TAS2R1: variants seen among roughly 807,000 people sequenced by gnomAD.
The protein encoded by TAS2R1 is taste 2 receptor member 1.
For synonymous variants in TAS2R1, 141 were observed against 134.2 expected, an observed-to-expected ratio of 1.05 and a Z score of -0.35; for missense variants, 370 against 353.4, an observed-to-expected ratio of 1.05 and a Z score of -0.38.
the TAS2R1 span, among the ~76,000 whole-genome samples, chr5:9,869,048 T>C: frequency 3.3e-5 from 5 of 152,172 alleles, no homozygotes; most frequent in Non-Finnish European, 5.9e-5. Flanking sequence ...TCCTGTTTTC[T>C]GAGCCCTCCA....
chr5:9,848,208 T>C, the TAS2R1 span, among the ~76,000 whole-genome samples: 14 of 152,234 alleles, frequency 9.2e-5, no homozygotes, highest in African/African-American at 3.1e-4. Flanking sequence ...ATGCCTTCCA[T>C]CAAATTAGAT....
the TAS2R1 span, among the ~76,000 whole-genome samples, chr5:9,865,039 G>A: frequency 6.6e-6 from 1 of 152,170 alleles, no homozygotes; most frequent in African/African-American, 2.4e-5. Flanking sequence ...CGTCCATACG[G>A]GTGGATGAAA....
the TAS2R1 span, among the ~76,000 whole-genome samples, chr5:9,824,627 A>T: frequency 6.6e-6 from 1 of 152,010 alleles, no homozygotes; most frequent in Non-Finnish European, 1.5e-5. Context: ...CAGGTGGATC[A>T]CCTGAGGTCA....
chr5:9,851,243 T>C, the TAS2R1 span, among the ~76,000 whole-genome samples: 1 of 152,220 alleles, frequency 6.6e-6, no homozygotes, highest in South Asian at 2.1e-4. Flanking sequence ...GTTGCAGTAA[T>C]GTCAGAATCG....
At chr5:9,832,959 C>T in the TAS2R1 span, among the ~76,000 whole-genome samples, 1 of 152,156 alleles carries the variant, frequency 6.6e-6, no homozygotes, top group Non-Finnish European at 1.5e-5. Flanking sequence ...CATCAGACAT[C>T]AATCAATATG....
chr5:9,710,627 T>G (rs978929224), intron 1 of TAS2R1, among the ~76,000 whole-genome samples: 1 of 152,078 alleles, frequency 6.6e-6, no homozygotes, highest in African/African-American at 2.4e-5. Flanking sequence ...ATCATACATC[T>G]GATAAGAGGC....
At chr5:9,850,785 G>C in the TAS2R1 span, among the ~76,000 whole-genome samples, 1 of 152,206 alleles carries the variant, frequency 6.6e-6, no homozygotes, top group African/African-American at 2.4e-5. Flanking sequence ...TAAAAGATTT[G>C]TCTCTCATAC....
At chr5:9,810,292 C>T in the TAS2R1 span, among the ~76,000 whole-genome samples, 1 of 152,184 alleles carries the variant, frequency 6.6e-6, no homozygotes, top group Non-Finnish European at 1.5e-5. Flanking sequence ...GACATATTCT[C>T]GTCTCTGAAA....
At chr5:9,848,708 A>T in the TAS2R1 span, among the ~76,000 whole-genome samples, 1 of 151,420 alleles carries the variant, frequency 6.6e-6, no homozygotes, top group Non-Finnish European at 1.5e-5. Flanking sequence ...GTAAATTTAT[A>T]CAATTTTTAT....
At chr5:9,735,011 T>C in the TAS2R1 span, among the ~76,000 whole-genome samples, 198 of 151,350 alleles carry the variant, frequency 1.3e-3, 7 homozygotes, top group African/African-American at 4.5e-3. Flanking sequence ...ACAGGAAGCA[T>C]TGCTAGGGAG....
chr5:9,773,978 CTGT>C, the TAS2R1 span, among the ~76,000 whole-genome samples: 1 of 152,140 alleles, frequency 6.6e-6, no homozygotes, highest in Non-Finnish European at 1.5e-5. Flanking sequence ...GCAAAATTTT[CTGT>C]TATTACCCTG....
At chr5:9,717,523 TA>T in the TAS2R1 span, among the ~76,000 whole-genome samples, 2 of 151,596 alleles carry the variant, frequency 1.3e-5, no homozygotes, top group Non-Finnish European at 2.9e-5. Flanking sequence ...CACACAAGAA[TA>T]TCTAGGAACA....
Position 9,629,898 on chromosome 5 carries a change from A to G in TAS2R1, c.135T>C (p.Asp45=). ...AAACTGCCAGACAAGAAAGAAGGAG[A>G]TCCAGCGGAGCCATTTTTCTGTGCT... is the stretch of plus-strand genomic sequence containing the variant. ...LIKHRKMAPL[D]LLLSCLAVSR... Residue 45 remains aspartate (D), a synonymous_variant, in exon 1 of 1, where the codon GAT becomes GAC. Coordinates refer to ENST00000382492, the MANE Select transcript of TAS2R1 (RefSeq NM_019599.3). The G allele has an allele frequency of 1.9e-6, 3 of 1,613,868 alleles. No individual in the cohort carries two copies. Among genetic ancestry groups the G allele is most frequent in the East Asian group, 4.5e-5 (2 of 44,888 alleles).
the TAS2R1 span, among the ~76,000 whole-genome samples, chr5:9,783,929 C>T: frequency 5.3e-5 from 8 of 152,152 alleles, no homozygotes; most frequent in Non-Finnish European, 1.0e-4. Context: ...TCCAGAGCTG[C>T]GCTACCTGGA....
At chr5:9,633,293 A>ATATATATATATATATTTATATATAT (rs1561364890), upstream of TAS2R1, among the ~76,000 whole-genome samples, 1 of 62,558 alleles carries the variant, frequency 1.6e-5, no homozygotes, top group African/African-American at 7.1e-5. Context: ...GTGTGTGTAT[A>ATATATATATATATATTTATATATAT]TTATATATAT....
chr5:9,729,958 G>T, the TAS2R1 span, among the ~76,000 whole-genome samples: 3 of 152,154 alleles, frequency 2.0e-5, no homozygotes, highest in African/African-American at 7.2e-5. Flanking sequence ...ACGTTAGACT[G>T]GTGGAATGGT....
chr5:9,871,475 C>G, the TAS2R1 span, among the ~76,000 whole-genome samples: 1 of 152,190 alleles, frequency 6.6e-6, no homozygotes, highest in Non-Finnish European at 1.5e-5. Flanking sequence ...TCCACTCTGT[C>G]TGATCCAATT....
chr5:9,679,122 G>A (rs1298209727), intron 1 of TAS2R1, among the ~76,000 whole-genome samples: 1 of 152,188 alleles, frequency 6.6e-6, no homozygotes, highest in Non-Finnish European at 1.5e-5. Context: ...GCTACATCGT[G>A]TATGATTCCA....
the TAS2R1 span, among the ~76,000 whole-genome samples, chr5:9,770,826 A>G: frequency 6.6e-6 from 1 of 152,112 alleles, no homozygotes; most frequent in East Asian, 1.9e-4. Context: ...TCCCAAATAT[A>G]ATAATATCTG....
Sources: allele counts gnomAD v4.1 joint callset (sites outside exome capture counted in the v4.1 genomes callset), GRCh38; gene constraint gnomAD v4.1.1; transcripts MANE v1.5; gene names NCBI Gene and HGNC (gene_info 2026-07-23, HGNC 2026-07-21).